NINJ2: variants seen among roughly 807,000 people sequenced by gnomAD.
NINJ2 encodes the protein ninjurin 2.
Under a neutral mutation model 11.7 loss-of-function variants are expected in NINJ2, and 12 were observed. The ratio of observed to expected loss-of-function variants is 1.02; its 90% CI spans 0.66 to 1.66. The LOEUF is 1.66. NINJ2 is among the 40% of genes most tolerant of loss of function. NINJ2 has a pLI of 0.00. For synonymous variants in NINJ2, 93 were observed against 76.8 expected (o/e 1.21, Z -1.10); for missense variants, 187 against 181.8 (o/e 1.03, Z -0.16).
chr12:626,940 G>A (rs760233665), intron 1 of NINJ2, among the ~76,000 whole-genome samples: 6 of 152,016 alleles, frequency 3.9e-5, no homozygotes, highest in African/African-American at 7.3e-5. Flanking sequence ...AAAAGAGTAC[G>A]CAGGTGTGGT....
At position 628,227 on chromosome 12, in the gene NINJ2, AC is replaced by A. The variant is rs139634493; in HGVS notation, c.33+35100del. 0.04 allele frequency among the ~76,000 whole-genome samples: 6,152 copies of A among 152,142 alleles called. 391 individuals carry two copies. The highest frequency in any genetic ancestry group is 0.13 in the African/African-American group (5,527 of 41,512). On this transcript the variant is annotated intron_variant, in intron 1 of 3. Coordinates refer to ENST00000305108, the MANE Select transcript of NINJ2 (RefSeq NM_016533.6). This position sits in a 1 kb window ranked among gnomAD's most constrained non-coding sequence, Gnocchi z 4.4. ...AGCCTCTGGCAGGCCTCTGTGTCAC[AC>A]CTTTCCACCAGGGAAAACTGGGTGT...
Position 633,173 on chromosome 12 carries a change from C to G in NINJ2, c.33+30155G>C, listed in dbSNP as rs774438923. On this transcript the variant is annotated intron_variant, in intron 1 of 3. Transcript: ENST00000305108. The surrounding 1 kb of genome is among the most constrained non-coding windows in gnomAD (Gnocchi z 4.3). Reference sequence around the variant, plus strand: ...TATCTTGCATCCCTTCCTGAACCAACCTCCCTAAAACTGTGCCCCACTCCT... The same window carrying G: ...TATCTTGCATCCCTTCCTGAACCAAGCTCCCTAAAACTGTGCCCCACTCCT... 2.6e-5 allele frequency among the ~76,000 whole-genome samples: 4 copies of G among 151,960 alleles called. No homozygotes were observed. The highest frequency in any genetic ancestry group is 5.9e-5 in the Non-Finnish European group (4 of 67,998).
At chr12:616,534 G>A (rs1159474034) in intron 1 of NINJ2, among the ~76,000 whole-genome samples, 1 of 152,226 alleles carries the variant, frequency 6.6e-6, no homozygotes, top group Non-Finnish European at 1.5e-5. Context: ...ACAGTGAAGA[G>A]TGGGACTGCT....
chr12:616,651 G>A (rs1203604158), intron 1 of NINJ2, among the ~76,000 whole-genome samples: 1 of 152,222 alleles, frequency 6.6e-6, no homozygotes, highest in Non-Finnish European at 1.5e-5. Flanking sequence ...GGGACTTCTT[G>A]ACTACAAAAT....
At chr12:588,965 T>G (rs890882745) in intron 1 of NINJ2, among the ~76,000 whole-genome samples, 2 of 152,232 alleles carry the variant, frequency 1.3e-5, no homozygotes, top group African/African-American at 4.8e-5. Flanking sequence ...TCATTTTTTT[T>G]TGGAGGACAA....
intron 1 of NINJ2, among the ~76,000 whole-genome samples, chr12:631,669 C>T (rs1424137689): frequency 1.3e-5 from 2 of 152,158 alleles, no homozygotes; most frequent in African/African-American, 4.8e-5. Flanking sequence ...CCTGCCTCTA[C>T]CTCTGATCCC....
intron 1 of NINJ2, among the ~76,000 whole-genome samples, chr12:622,409 CAAAAAAAAAA>C (rs1169331783): frequency 2.5e-4 from 12 of 47,434 alleles, no homozygotes; most frequent in African/African-American, 6.9e-4. Flanking sequence ...GACTCCGTCT[CAAAAAAAAAA>C]AAAAAAAAAA....
At chr12:636,661 A>G (rs1948356124) in intron 1 of NINJ2, among the ~76,000 whole-genome samples, 1 of 152,180 alleles carries the variant, frequency 6.6e-6, no homozygotes, top group Non-Finnish European at 1.5e-5. Context: ...GACAAATACA[A>G]ATCAAAACAA....
chr12:659,884 GA>G (rs1395476913), intron 1 of NINJ2, among the ~76,000 whole-genome samples: 12 of 152,330 alleles, frequency 7.9e-5, no homozygotes, highest in Admixed American at 7.2e-4. Context: ...AGGTCAGACA[GA>G]AACAGTTACT....
At position 580,828 on chromosome 12, in the gene NINJ2, C is replaced by T. The variant is rs1336724815; in HGVS notation, c.34-14650G>A. Among the ~76,000 whole-genome samples the T allele has an allele frequency of 6.6e-6, 1 of 150,448 alleles. No homozygotes were observed. The highest frequency in any genetic ancestry group is 1.5e-5 in the Non-Finnish European group (1 of 67,544). On this transcript the variant is annotated intron_variant, in intron 1 of 3. Coordinates refer to ENST00000305108, the MANE Select transcript of NINJ2 (RefSeq NM_016533.6). This position sits in a 1 kb window ranked among gnomAD's most constrained non-coding sequence, Gnocchi z 4.7. ...TGTGTCTGTGTGTATGCGTGTGTGT[C>T]TGTGTGTATGCATGTGTGTCTGTGT...
rs374475454 is a variant in NINJ2, at chr12:639,839, T to C, written c.33+23489A>G. ...TCCAGGTGTAACAAATCCCACCTGA[T>C]TGAAACCGGCAGGGGTAGACCCGCT... On this transcript the variant is annotated intron_variant, in intron 1 of 3. Coordinates refer to ENST00000305108, the MANE Select transcript of NINJ2 (RefSeq NM_016533.6). 8.9e-4 allele frequency among the ~76,000 whole-genome samples: 136 copies of C among 152,350 alleles called. 3 individuals carry two copies. In the South Asian group the frequency reaches 0.026, roughly 29 times the overall value.
intron 1 of NINJ2, among the ~76,000 whole-genome samples, chr12:638,409 A>T (rs984774173): frequency 1.2e-5 from 1 of 83,184 alleles, no homozygotes; most frequent in African/African-American, 4.3e-5. Context: ...TAGCACTGAC[A>T]TTTAGTTTTT....
chr12:647,741 G>C (rs1385779591), intron 1 of NINJ2, among the ~76,000 whole-genome samples: 1 of 152,176 alleles, frequency 6.6e-6, no homozygotes, highest in African/African-American at 2.4e-5. Flanking sequence ...CAGGGGACTT[G>C]TGAAAATACA....
At chr12:651,136 C>T (rs1013153194) in intron 1 of NINJ2, among the ~76,000 whole-genome samples, 3 of 151,742 alleles carry the variant, frequency 2.0e-5, no homozygotes, top group African/African-American at 7.3e-5. Flanking sequence ...AGTTTTACCT[C>T]TAGGAGCTGC....
intron 1 of NINJ2, among the ~76,000 whole-genome samples, chr12:576,498 T>C (rs1947463399): frequency 6.6e-6 from 1 of 152,232 alleles, no homozygotes; most frequent in Admixed American, 6.5e-5. Flanking sequence ...TTATTTTAGT[T>C]ATTACTGTTT....
intron 1 of NINJ2, among the ~76,000 whole-genome samples, chr12:603,829 T>G (rs1947904230): frequency 6.6e-6 from 1 of 151,758 alleles, no homozygotes; most frequent in African/African-American, 2.4e-5. Context: ...CCTGGCTAAT[T>G]TTTGTATTTT....
In NINJ2 at chr12:581,233, A is replaced by G. The variant is rs1003439619; in HGVS notation, c.34-15055T>C. 6.6e-6 allele frequency among the ~76,000 whole-genome samples: 1 copy of G among 151,966 alleles called. No individual in the cohort carries two copies. Among genetic ancestry groups the G allele is most frequent in the African/African-American group, 2.4e-5 (1 of 41,348 alleles). ...TGTGTCTATTGTCCCTGAGCTCAGC[A>G]GTATCCTGGGTCCTGGCCATAGACC... On this transcript the variant is annotated intron_variant, in intron 1 of 3. Transcript: ENST00000305108. The surrounding 1 kb of genome is among the most constrained non-coding windows in gnomAD (Gnocchi z 4.9).
At chr12:586,803 C>T (rs757942504) in intron 1 of NINJ2, among the ~76,000 whole-genome samples, 10 of 152,210 alleles carry the variant, frequency 6.6e-5, no homozygotes, top group Non-Finnish European at 1.2e-4. Flanking sequence ...CTGACTGGAT[C>T]GTAGGGATCC....
chr12:613,258 C>A (rs1948055588), intron 1 of NINJ2, among the ~76,000 whole-genome samples: 1 of 152,188 alleles, frequency 6.6e-6, no homozygotes, highest in Non-Finnish European at 1.5e-5. Context: ...GAAAATGTAT[C>A]CTTTTCTCCT....
Sources: allele counts gnomAD v4.1 joint callset (sites outside exome capture counted in the v4.1 genomes callset), GRCh38; gene constraint gnomAD v4.1.1; non-coding constraint Gnocchi (gnomAD v3.1); transcripts MANE v1.5; gene names NCBI Gene and HGNC (gene_info 2026-07-23, HGNC 2026-07-21).